Variants in TMEM225B observed in about 807,000 individuals in gnomAD.
TMEM225B encodes transmembrane protein 225B.
In TMEM225B, 10 loss-of-function variants were observed where a neutral mutation model predicts 16.9. That is an observed-to-expected ratio of 0.59 (90% confidence interval 0.36 to 1.00). The LOEUF is 1.00. TMEM225B is among the 50% of genes least tolerant of loss of function. TMEM225B has a pLI of 0.01. For missense variants in TMEM225B, 217 were observed against 267.0 expected (o/e 0.81, Z 1.30); for synonymous variants, 92 against 109.8 (o/e 0.84, Z 1.01).
chr7:99,604,208 T>C (rs79657475), intron 2 of TMEM225B, among the ~76,000 whole-genome samples, 178 bp from the exon 3 acceptor site: 1 of 152,142 alleles, frequency 6.6e-6, no homozygotes, highest in Admixed American at 6.5e-5. Context: ...ATTTTTTTTT[T>C]GGTCTGCTGC....
chr7:99,604,897 G>A (rs944028914), intron 3 of TMEM225B, among the ~76,000 whole-genome samples: 2 of 152,108 alleles, frequency 1.3e-5, no homozygotes, highest in African/African-American at 4.8e-5. Context: ...AAAGGCTGAG[G>A]TTGGAGGGCT....
chr7:99,598,383 T>G lies in TMEM225B; in HGVS notation c.-85+2T>G, dbSNP rs1171482781. On this transcript the variant is annotated splice_donor_variant, in intron 1 of 5. Transcript: ENST00000431679. LOFTEE classifies it low-confidence loss of function (5UTR_SPLICE). ...AAACCGCCTACGACGGTGCCGCAGG[T>G]GGAGGGAAGGGTAGAGGGGAGACCA... The G allele has an allele frequency of 6.6e-6, 1 of 151,786 alleles. No homozygotes were observed. The allele number at this position is 151,786 out of a possible 1,614,324, so 9.4% of individuals were successfully genotyped here. A position where few individuals can be genotyped will look rare whatever the true frequency, so the allele number is the denominator to read the frequency against.
chr7:99,600,477 G>A (rs1805268643), intron 2 of TMEM225B, among the ~76,000 whole-genome samples, 192 bp downstream of exon 2: 1 of 152,162 alleles, frequency 6.6e-6, no homozygotes, highest in South Asian at 2.1e-4. Flanking sequence ...ACCCAAGACT[G>A]GGTAACTTAT....
chr7:99,610,566 C>T lies in TMEM225B; in HGVS notation c.*1C>T. ...GGTGACAGCAGAAACAGTCATCTAG[C>T]CCAGGACATGGCTTCTTTACCCTTC... is the stretch of plus-strand genomic sequence containing the variant. On this transcript the variant is annotated 3_prime_UTR_variant, in exon 6 of 6. Transcript: ENST00000431679. 3 of 1,535,916 alleles carry T rather than the reference C, an allele frequency of 2.0e-6. No individual in the cohort carries two copies. Among genetic ancestry groups the T allele is most frequent in the Non-Finnish European group, 2.6e-6 (3 of 1,146,780 alleles).
In TMEM225B at chr7:99,604,563, A is replaced by AATGC. The variant is rs1805632280; in HGVS notation, c.176_179dup (p.Lys61CysfsTer197). Reference sequence around the variant, plus strand: ...CAGTGGCCTATTTGAGAACTGCTTCAATGCCAAATGCTGGAAGCCTCGACC... The same window carrying AATGC: ...CAGTGGCCTATTTGAGAACTGCTTCAATGCATGCCAAATGCTGGAAGCCTCGACC... On this transcript the variant is annotated frameshift_variant, in exon 3 of 6. Transcript: ENST00000431679. LOFTEE classifies it high-confidence loss of function. 1 of 1,535,960 alleles carries AATGC rather than the reference A, an allele frequency of 6.5e-7. No individual in the cohort carries two copies. Among genetic ancestry groups the AATGC allele is most frequent in the Non-Finnish European group, 8.7e-7 (1 of 1,146,910 alleles).
chr7:99,601,583 A>AG (rs1411027286), intron 2 of TMEM225B, among the ~76,000 whole-genome samples: 10 of 152,196 alleles, frequency 6.6e-5, no homozygotes, highest in Non-Finnish European at 1.0e-4. Context: ...TAAGGAAAGA[A>AG]GGGAATAATT....
intron 2 of TMEM225B, among the ~76,000 whole-genome samples, chr7:99,601,464 G>A (rs192341570): frequency 2.6e-5 from 4 of 152,232 alleles, no homozygotes; most frequent in East Asian, 1.9e-4. Context: ...GTGGTGGCAC[G>A]CACCTGTAGT....
chr7:99,606,827 T>C lies in TMEM225B; in HGVS notation c.288T>C (p.Phe96=). The change falls in exon 4 of 6, where the codon TTT becomes TTC. Residue 96 remains phenylalanine (F), a synonymous_variant. Transcript: ENST00000431679. ...TCACCACCTTCATCATGATGCCCTTTGCATCCGAGTTCTTCCCGAGGACCT... is the reference window on the plus strand; with the variant it reads ...TCACCACCTTCATCATGATGCCCTTCGCATCCGAGTTCTTCCCGAGGACCT... The part of the protein sequence containing the change: ...AFVTTFIMMP[F]ASEFFPRTWK... 6.5e-7 allele frequency: 1 copy of C among 1,536,128 alleles called. No homozygotes were observed. Among genetic ancestry groups the C allele is most frequent in the East Asian group, 2.4e-5 (1 of 40,916 alleles).
rs536605617 is a variant in TMEM225B at position 99,604,397 on chromosome 7, G to A, written c.9G>A (p.Thr3=). 98 of 1,535,864 alleles carry A rather than the reference G, an allele frequency of 6.4e-5. 1 individual carries two copies. The East Asian group carries it at 1.3e-3, about 20-fold the overall frequency. Residue 3 remains threonine (T), a synonymous_variant, in exon 3 of 6, where the codon ACG becomes ACA. Coordinates refer to ENST00000431679, the MANE Select transcript of TMEM225B (RefSeq NM_001195541.3). ML[T]LEDKDMKGFS... is the part of the protein sequence containing the mutation. ...TTTCTCTTACACAGGTGATGCTGAC[G>A]TTAGAGGACAAGGACATGAAGGGAT...
At chr7:99,605,481 C>T (rs1284372735) in intron 3 of TMEM225B, 1 of 143,694 alleles carries the variant, frequency 7.0e-6, no homozygotes, top group Non-Finnish European at 1.5e-5. Flanking sequence ...CTTTGTCACC[C>T]AGGCTGGTGT....
intron 5 of TMEM225B, among the ~76,000 whole-genome samples, chr7:99,608,199 G>A (rs2151217872): frequency 6.6e-6 from 1 of 152,282 alleles, no homozygotes; most frequent in East Asian, 1.9e-4. Flanking sequence ...AGGTTGCAGT[G>A]AGCCGAGATC....
In TMEM225B at chr7:99,607,724, T is replaced by A. The variant is rs1805941800; in HGVS notation, c.407T>A (p.Leu136Gln). 5 of 1,536,102 alleles carry A rather than the reference T, an allele frequency of 3.3e-6. No homozygotes were observed. The highest frequency in any genetic ancestry group is 4.4e-6 in the Non-Finnish European group (5 of 1,146,890). Residue 136 changes from leucine to glutamine, a missense_variant, in exon 5 of 6, where the codon CTG becomes CAG. By Grantham distance (113) the Leu-to-Gln change is moderately radical. Transcript: ENST00000431679. ...CTGCATGCCCTGGAGATCAAGGCTC[T>A]GAGGATGAAGCTCGGCCCCCTGCAG... ...LVLHALEIKALRMKLGPLQFS... is the reference protein window; with the variant it reads ...LVLHALEIKAQRMKLGPLQFS...
At position 99,607,690 on chromosome 7, in the gene TMEM225B, G is replaced by A; in HGVS notation, c.373G>A (p.Ala125Thr). The change falls in exon 5 of 6, where the codon GCT becomes ACT. Residue 125 changes from alanine to threonine, a missense_variant. Transcript: ENST00000431679. Reference sequence around the variant, plus strand: ...CCCTCCAGGGGCCTGTGCCTTCCTGGCTTTGGTGCTGCATGCCCTGGAGAT... The same window carrying A: ...CCCTCCAGGGGCCTGTGCCTTCCTGACTTTGGTGCTGCATGCCCTGGAGAT... ...SFFTGACAFL[A>T]LVLHALEIKA... 2 of 1,535,982 alleles carry A rather than the reference G, an allele frequency of 1.3e-6. No homozygotes were observed. Among genetic ancestry groups the A allele is most frequent in the Non-Finnish European group, 1.7e-6 (2 of 1,146,818 alleles).
rs201564461 is a variant in TMEM225B at position 99,601,834 on chromosome 7, G to A, written c.-4+1549G>A. 1.8e-4 allele frequency among the ~76,000 whole-genome samples: 27 copies of A among 152,274 alleles called. No homozygotes were observed. The East Asian group carries it at 5.0e-3, about 28-fold the overall frequency. On this transcript the variant is annotated intron_variant, in intron 2 of 5. Transcript: ENST00000431679. ...GCCCCCTTCCCTGGCTGCAGCAAGTGTCTGCATGGGCAAAGACGCCCCCTT... is the reference window on the plus strand; with the variant it reads ...GCCCCCTTCCCTGGCTGCAGCAAGTATCTGCATGGGCAAAGACGCCCCCTT...
intron 1 of TMEM225B, among the ~76,000 whole-genome samples, chr7:99,599,561 C>G (rs776749015): frequency 6.6e-6 from 1 of 152,182 alleles, no homozygotes; most frequent in African/African-American, 2.4e-5. Context: ...AAAAGAACAA[C>G]AACAAAAATT....
At chr7:99,602,181 C>T (rs1805429468) in intron 2 of TMEM225B, among the ~76,000 whole-genome samples, 1 of 152,234 alleles carries the variant, frequency 6.6e-6, no homozygotes, top group Non-Finnish European at 1.5e-5. Flanking sequence ...CACAGTGCCA[C>T]CTGGAGGCCT....
rs772685728 is a variant in TMEM225B at position 99,600,306 on chromosome 7, T to C, written c.-4+21T>C. On this transcript the variant is annotated intron_variant, in intron 2 of 5. Transcript: ENST00000431679. Reference sequence around the variant, plus strand: ...GACCTGTAAGTGCACAGTGAATTTTTGCTGAGGGAGTGGCTGGGAGGGCTG... The same window carrying C: ...GACCTGTAAGTGCACAGTGAATTTTCGCTGAGGGAGTGGCTGGGAGGGCTG... The C allele has an allele frequency of 2.0e-5, 14 of 702,892 alleles. No individual in the cohort carries two copies. The South Asian group carries it at 2.1e-4, about 10-fold the overall frequency. The allele number at this position is 702,892 out of a possible 1,614,324, so 43.5% of individuals were successfully genotyped here. A position where few individuals can be genotyped will look rare whatever the true frequency, so the allele number is the denominator to read the frequency against.
chr7:99,610,505 GGGA>G lies in TMEM225B; in HGVS notation c.611_613del (p.Gly204del). 1 of 1,536,108 alleles carries G rather than the reference GGGA, an allele frequency of 6.5e-7. No individual in the cohort carries two copies. Among genetic ancestry groups the G allele is most frequent in the Non-Finnish European group, 8.7e-7 (1 of 1,146,890 alleles). On this transcript the variant is annotated inframe_deletion, in exon 6 of 6. Transcript: ENST00000431679. ...TGTACCTGGACAATCTGGAGAGTTT[GGGA>G]GGAGAACCGAGCTCAGTACAAAAGG...
At chr7:99,602,109 C>T (rs1160117551) in intron 2 of TMEM225B, among the ~76,000 whole-genome samples, 1 of 151,782 alleles carries the variant, frequency 6.6e-6, no homozygotes, top group East Asian at 1.9e-4. Context: ...GGTGCACCTC[C>T]CTTGTCACAT....
Sources: gnomAD v4.1 joint callset for allele counts (sites outside exome capture counted in the v4.1 genomes callset) on GRCh38, gnomAD v4.1.1 for gene constraint, MANE v1.5 for transcripts, NCBI Gene and HGNC (gene_info 2026-07-23, HGNC 2026-07-21) for gene names.